Variants in RANBP17 observed in about 807,000 individuals in gnomAD.
The protein encoded by RANBP17 is ran-binding protein 17.
In RANBP17, 158 loss-of-function variants were observed where a neutral mutation model predicts 141.2. The ratio of observed to expected loss-of-function variants is 1.12; its 90% confidence interval spans 0.98 to 1.28. The LOEUF is 1.28. Among genes scored for constraint, RANBP17 ranks in the 50% most tolerant of loss-of-function variants. RANBP17 has a pLI of 0.00. For missense variants in RANBP17, 1,438 were observed against 1,290.7 expected, an observed-to-expected ratio of 1.11 and a Z score of -1.75; for synonymous variants, 430 against 450.0, an observed-to-expected ratio of 0.96 and a Z score of 0.56.
intron 12 of RANBP17, among the ~76,000 whole-genome samples, chr5:170,934,572 T>G (rs954207493): frequency 4.6e-5 from 7 of 152,210 alleles, no homozygotes; most frequent in African/African-American, 1.7e-4. Context: ...GAAGCCTAGT[T>G]TGGCTGGATA....
At chr5:171,174,645 C>T (rs1760313331) in intron 16 of RANBP17, among the ~76,000 whole-genome samples, 2 of 151,944 alleles carry the variant, frequency 1.3e-5, no homozygotes, top group African/African-American at 4.8e-5. Flanking sequence ...AGTTAACATG[C>T]TCCACTTGGG....
chr5:171,112,193 G>A (rs1357967727), intron 14 of RANBP17, among the ~76,000 whole-genome samples: 1 of 152,030 alleles, frequency 6.6e-6, no homozygotes, highest in Non-Finnish European at 1.5e-5. Flanking sequence ...GTTAATGCTT[G>A]GTGAGCAGGG....
At chr5:170,936,299 C>T (rs1273273856) in intron 12 of RANBP17, among the ~76,000 whole-genome samples, 1 of 152,098 alleles carries the variant, frequency 6.6e-6, no homozygotes, top group African/African-American at 2.4e-5. Flanking sequence ...TTTGGCAAGC[C>T]CTAGTGAGAT....
chr5:171,090,318 G>T (rs1452007711), intron 14 of RANBP17, among the ~76,000 whole-genome samples: 2 of 152,182 alleles, frequency 1.3e-5, no homozygotes, highest in Non-Finnish European at 2.9e-5. Context: ...CCAGCATTTT[G>T]ACCCTGCCCT....
intron 14 of RANBP17, among the ~76,000 whole-genome samples, chr5:170,972,115 T>G (rs1003607233): frequency 2.0e-5 from 3 of 151,894 alleles, no homozygotes; most frequent in African/African-American, 7.3e-5. Flanking sequence ...TGTGTATATA[T>G]AAACAAAACA....
chr5:171,186,526 C>CTTTTTTCT (rs1761250701), intron 18 of RANBP17, among the ~76,000 whole-genome samples: 1 of 41,650 alleles, frequency 2.4e-5, no homozygotes, highest in Non-Finnish European at 4.2e-5. Context: ...GTATGATTTT[C>CTTTTTTCT]TTTTTTTTTT....
chr5:171,017,363 CCCA>C (rs1780514473), intron 14 of RANBP17, among the ~76,000 whole-genome samples: 1 of 151,378 alleles, frequency 6.6e-6, no homozygotes, highest in African/African-American at 2.5e-5. Flanking sequence ...CATTTACATT[CCCA>C]CCAACAGCGT....
chr5:171,049,257 T>A (rs1309390206), intron 14 of RANBP17, among the ~76,000 whole-genome samples: 1 of 152,250 alleles, frequency 6.6e-6, no homozygotes, highest in Non-Finnish European at 1.5e-5. Flanking sequence ...TTTATATGCT[T>A]GTTGGCTGCA....
intron 14 of RANBP17, among the ~76,000 whole-genome samples, chr5:171,153,400 TATC>T (rs753695427): frequency 2.0e-5 from 3 of 152,234 alleles, no homozygotes; most frequent in Non-Finnish European, 4.4e-5. Context: ...TACAAATACT[TATC>T]ATTACAAATC....
At chr5:170,867,944 A>G (rs1767407492) in intron 1 of RANBP17, among the ~76,000 whole-genome samples, 1 of 152,094 alleles carries the variant, frequency 6.6e-6, no homozygotes, top group African/African-American at 2.4e-5. Flanking sequence ...CCTCCCAGCC[A>G]GGAAATCACT....
intron 25 of RANBP17, among the ~76,000 whole-genome samples, chr5:171,269,485 A>G (rs913541097): frequency 2.6e-5 from 4 of 152,140 alleles, no homozygotes; most frequent in African/African-American, 9.7e-5. Flanking sequence ...GCCTGAAGGG[A>G]TGGACTTGAA....
chr5:171,210,418 C>T (rs144361515), intron 20 of RANBP17, among the ~76,000 whole-genome samples: 4 of 152,262 alleles, frequency 2.6e-5, no homozygotes, highest in African/African-American at 9.6e-5. Context: ...TGCCTTATCC[C>T]GTAGTGAATA....
intron 14 of RANBP17, among the ~76,000 whole-genome samples, chr5:171,020,251 G>A (rs982568975): frequency 6.6e-5 from 10 of 152,152 alleles, no homozygotes; most frequent in African/African-American, 2.4e-4. Flanking sequence ...CTGTTGATTT[G>A]GGGTGGAGAG....
At chr5:171,131,095 A>G (rs185304745) in intron 14 of RANBP17, among the ~76,000 whole-genome samples, 76 of 152,274 alleles carry the variant, frequency 5.0e-4, no homozygotes, top group Non-Finnish European at 1.0e-3. Context: ...CTTTGGGCGA[A>G]TTTTTCAAAC....
intron 14 of RANBP17, among the ~76,000 whole-genome samples, chr5:171,166,300 C>T (rs1431664151): frequency 3.3e-5 from 5 of 152,076 alleles, no homozygotes; most frequent in African/African-American, 1.2e-4. Flanking sequence ...CCATCCTTCT[C>T]TGAAGGATGA....
At chr5:171,065,329 A>C (rs915897077) in intron 14 of RANBP17, among the ~76,000 whole-genome samples, 5 of 152,124 alleles carry the variant, frequency 3.3e-5, no homozygotes, top group African/African-American at 1.2e-4. Context: ...CGGTTTTGGC[A>C]TGAAACTGTT....
At chr5:171,155,096 T>TAC (rs1214305006) in intron 14 of RANBP17, among the ~76,000 whole-genome samples, 175 of 82,626 alleles carry the variant, frequency 2.1e-3, no homozygotes, top group African/African-American at 7.9e-3. Context: ...AAAAAAAAAA[T>TAC]ATATATATAT....
chr5:170,862,457 G>T lies in RANBP17; in HGVS notation c.18+406G>T, dbSNP rs184422982. ...TGCCGAGCGGTGGAGCAGCCTTCCCGCCTTCCCGCCGCGTCGCCGGCGCGG... is the reference window on the plus strand; with the variant it reads ...TGCCGAGCGGTGGAGCAGCCTTCCCTCCTTCCCGCCGCGTCGCCGGCGCGG... On this transcript the variant is annotated intron_variant, in intron 1 of 27. Coordinates refer to ENST00000523189, the MANE Select transcript of RANBP17 (RefSeq NM_022897.5). Among the ~76,000 whole-genome samples, 27 of 152,302 alleles carry T rather than the reference G, an allele frequency of 1.8e-4. No individual in the cohort carries two copies. The East Asian group carries it at 4.7e-3, about 26-fold the overall frequency.
At chr5:171,226,948 T>G (rs1244807903) in intron 22 of RANBP17, among the ~76,000 whole-genome samples, 2 of 152,162 alleles carry the variant, frequency 1.3e-5, no homozygotes, top group Non-Finnish European at 2.9e-5. Flanking sequence ...AGCATATGAT[T>G]TCTTTGTGTC....
Sources: allele counts gnomAD v4.1 joint callset (sites outside exome capture counted in the v4.1 genomes callset), GRCh38; gene constraint gnomAD v4.1.1; transcripts MANE v1.5; gene names NCBI Gene and HGNC (gene_info 2026-07-23, HGNC 2026-07-21).